The following SLC35D4 variants were observed in gnomAD, a reference collection of about 807,000 sequenced individuals.
SLC35D4 encodes the protein UDP-N-acetylglucosamine transporter SLC35D4.
chr18:23,389,738 C>T, the SLC35D4 span, among the ~76,000 whole-genome samples: 3 of 152,134 alleles, frequency 2.0e-5, no homozygotes, highest in African/African-American at 7.2e-5. Context: ...GAGGTTTTGC[C>T]ATGTTGATCA....
chr18:23,368,963 T>C, the SLC35D4 span, among the ~76,000 whole-genome samples: 3 of 152,250 alleles, frequency 2.0e-5, no homozygotes, highest in Non-Finnish European at 2.9e-5. Flanking sequence ...GTTTCCCACA[T>C]GTACATTTGT....
At chr18:23,385,195 G>C in the SLC35D4 span, 2 of 771,270 alleles carry the variant, frequency 2.6e-6, no homozygotes, top group African/African-American at 3.5e-5. Context: ...AATCACTCCA[G>C]CAAAGACTTC....
chr18:23,390,741 C>T, the SLC35D4 span, among the ~76,000 whole-genome samples: 7 of 152,194 alleles, frequency 4.6e-5, no homozygotes, highest in East Asian at 1.9e-4. Context: ...CCTATTCAAG[C>T]GCAAGTTCTG....
chr18:23,375,304 T>G, the SLC35D4 span, among the ~76,000 whole-genome samples: 36 of 152,068 alleles, frequency 2.4e-4, no homozygotes, highest in East Asian at 6.6e-3. Flanking sequence ...GACACAGTAT[T>G]TAGTATTTAG....
At chr18:23,271,756 G>A in the SLC35D4 span, among the ~76,000 whole-genome samples, 5 of 152,134 alleles carry the variant, frequency 3.3e-5, no homozygotes, top group African/African-American at 1.2e-4. Flanking sequence ...AGTGGGTGAA[G>A]ACTGAGTTGA....
At chr18:23,337,832 C>G in the SLC35D4 span, among the ~76,000 whole-genome samples, 1 of 152,154 alleles carries the variant, frequency 6.6e-6, no homozygotes. Context: ...GCTCCTGAAA[C>G]CTGGAAAAAT....
At chr18:23,339,786 G>A in the SLC35D4 span, among the ~76,000 whole-genome samples, 1 of 152,176 alleles carries the variant, frequency 6.6e-6, no homozygotes, top group Non-Finnish European at 1.5e-5. Flanking sequence ...CCTCAAGGTG[G>A]AAGAAGCAAG....
the SLC35D4 span, among the ~76,000 whole-genome samples, chr18:23,381,456 T>C: frequency 6.6e-6 from 1 of 152,160 alleles, no homozygotes. Context: ...CCTCCTGCCT[T>C]GGCCTCCCAA....
the SLC35D4 span, among the ~76,000 whole-genome samples, chr18:23,351,732 C>T: frequency 6.6e-6 from 1 of 152,198 alleles, no homozygotes. Context: ...ACAGCCACTT[C>T]CCCGCTCCTT....
the SLC35D4 span, chr18:23,352,141 A>G: frequency 6.7e-7 from 1 of 1,500,692 alleles, no homozygotes; most frequent in Non-Finnish European, 9.1e-7. Context: ...AGGTTCTGAG[A>G]TCTTTGGATA....
chr18:23,407,223 G>A, the SLC35D4 span, among the ~76,000 whole-genome samples: 4 of 152,156 alleles, frequency 2.6e-5, no homozygotes, highest in East Asian at 1.9e-4. Context: ...GAAGGATTCC[G>A]AGAAGATAAG....
the SLC35D4 span, among the ~76,000 whole-genome samples, chr18:23,333,960 T>C: frequency 6.6e-6 from 1 of 152,200 alleles, no homozygotes; most frequent in Admixed American, 6.5e-5. Flanking sequence ...CTCTGGGTGC[T>C]CTGCTAGGTG....
the SLC35D4 span, among the ~76,000 whole-genome samples, chr18:23,275,045 TGA>T: frequency 3.3e-3 from 112 of 33,518 alleles, no homozygotes; most frequent in African/African-American, 0.017. Context: ...ATTTTGTGTG[TGA>T]GTGTGTTTGT....
chr18:23,434,087 A>G, the SLC35D4 span, among the ~76,000 whole-genome samples: 1 of 152,136 alleles, frequency 6.6e-6, no homozygotes, highest in African/African-American at 2.4e-5. Flanking sequence ...ACCAGAAGGG[A>G]GCATCACCAT....
the SLC35D4 span, among the ~76,000 whole-genome samples, chr18:23,251,344 G>A: frequency 1.4e-4 from 21 of 152,254 alleles, no homozygotes; most frequent in East Asian, 2.5e-3. Context: ...CCAGCTACTC[G>A]GAAGGCTGAG....
chr18:23,418,580 C>G, the SLC35D4 span, among the ~76,000 whole-genome samples: 1 of 151,626 alleles, frequency 6.6e-6, no homozygotes, highest in Non-Finnish European at 1.5e-5. Flanking sequence ...CTCAAGTGAT[C>G]TTCCTGCCTC....
chr18:23,279,027 A>AT, the SLC35D4 span, among the ~76,000 whole-genome samples: 1 of 151,754 alleles, frequency 6.6e-6, no homozygotes, highest in African/African-American at 2.4e-5. Flanking sequence ...AAAAAAAAAA[A>AT]AATTAAAAAA....
the SLC35D4 span, among the ~76,000 whole-genome samples, chr18:23,276,331 A>G: frequency 6.7e-6 from 1 of 150,038 alleles, no homozygotes; most frequent in African/African-American, 2.5e-5. Context: ...CTCGTGATCC[A>G]CCCGCCTTGG....
the SLC35D4 span, among the ~76,000 whole-genome samples, chr18:23,306,575 G>C: frequency 6.6e-6 from 1 of 152,348 alleles, no homozygotes; most frequent in African/African-American, 2.4e-5. Flanking sequence ...CAAAGTGCTA[G>C]GATTACAGGC....
Sources: gnomAD v4.1 joint callset for allele counts (sites outside exome capture counted in the v4.1 genomes callset) on GRCh38, gnomAD v4.1.1 for gene constraint, MANE v1.5 for transcripts, NCBI Gene and HGNC (gene_info 2026-07-23, HGNC 2026-07-21) for gene names.